FANK1: variants seen among roughly 807,000 people sequenced by gnomAD.
The protein encoded by FANK1 is fibronectin type III and ankyrin repeat domains 1, also known as fibronectin type 3 and ankyrin repeat domains protein 1.
In FANK1, 44 loss-of-function variants were observed where a neutral mutation model predicts 45.3. That is an observed-to-expected ratio of 0.97 (90% CI 0.76 to 1.25). FANK1 has a LOEUF of 1.25. Among genes scored for constraint, FANK1 ranks in the 50% most tolerant of loss-of-function variants. FANK1 has a pLI of 0.00. For synonymous variants in FANK1, 149 were observed against 152.5 expected (o/e 0.98, Z 0.17); for missense variants, 391 against 424.4 (o/e 0.92, Z 0.69).
intron 8 of FANK1, 55 bp from the exon 9 acceptor site, chr10:126,008,999 G>C (rs780961790): frequency 4.5e-6 from 7 of 1,558,756 alleles, no homozygotes; most frequent in Non-Finnish European, 6.2e-6. Context: ...GCCCCCTGCT[G>C]TGTGTGCCCT....
In FANK1 at chr10:126,009,485, G is replaced by GT. The variant is rs1564982285; in HGVS notation, c.*48dup. On this transcript the variant is annotated 3_prime_UTR_variant, in exon 11 of 11. Coordinates refer to ENST00000368693, the MANE Select transcript of FANK1 (RefSeq NM_145235.5). ...AAACGCACGTAAAACAAAGTGAACCGTGACTGTTAAACTAGGGATGGGAAA... is the reference window on the plus strand; with the variant it reads ...AAACGCACGTAAAACAAAGTGAACCGTTGACTGTTAAACTAGGGATGGGAAA... 6.3e-7 allele frequency: 1 copy of GT among 1,595,270 alleles called. No individual in the cohort carries two copies. The highest frequency in any genetic ancestry group is 1.3e-5 in the African/African-American group (1 of 74,166).
rs1351211995 is a variant in FANK1 at position 125,980,271 on chromosome 10, G to C, written c.124G>C (p.Glu42Gln). 1 of 1,614,146 alleles carries C rather than the reference G, an allele frequency of 6.2e-7. No individual in the cohort carries two copies. The highest frequency in any genetic ancestry group is 8.5e-7 in the Non-Finnish European group (1 of 1,180,034). ...EKKAKRQGPQ[E>Q]QWFRFSIEEE... is the part of the protein sequence containing the mutation. ...GAAAGCCAAACGCCAAGGACCTCAA[G>C]AGCAGTGGTTCAGGTTCTCGATTGA... Residue 42 changes from glutamate (E) to glutamine (Q), a missense_variant, in exon 2 of 11, where the codon GAG becomes CAG. Glu to Gln is a conservative substitution (Grantham distance 29). Coordinates refer to ENST00000368693, the MANE Select transcript of FANK1 (RefSeq NM_145235.5).
At chr10:125,952,179 T>A (rs1949279938) in intron 1 of FANK1, among the ~76,000 whole-genome samples, 1 of 152,180 alleles carries the variant, frequency 6.6e-6, no homozygotes. Flanking sequence ...TTCACAAATT[T>A]TATTTCATGT....
chr10:125,961,500 T>C (rs1949926831), intron 1 of FANK1, among the ~76,000 whole-genome samples: 1 of 152,114 alleles, frequency 6.6e-6, no homozygotes, highest in South Asian at 2.1e-4. Context: ...TAGATATCCA[T>C]AGGCAGAAGA....
intron 3 of FANK1, chr10:125,989,268 A>G (rs950438251): frequency 5.2e-6 from 8 of 1,548,692 alleles, no homozygotes; most frequent in East Asian, 4.9e-5. Flanking sequence ...TAAAGATGCT[A>G]TCTATGTCCA....
intron 1 of FANK1, among the ~76,000 whole-genome samples, chr10:125,976,819 C>T (rs1334528909): frequency 1.3e-5 from 2 of 152,140 alleles, no homozygotes; most frequent in East Asian, 1.9e-4. Flanking sequence ...GACGGGGTTT[C>T]ACCATGTTGG....
chr10:125,959,931 C>T (rs1949814568), intron 1 of FANK1, among the ~76,000 whole-genome samples: 1 of 152,072 alleles, frequency 6.6e-6, no homozygotes, highest in Admixed American at 6.5e-5. Context: ...AGGTTTTTGT[C>T]TTACATATAA....
chr10:125,924,272 A>G (rs1168206998), intron 1 of FANK1, among the ~76,000 whole-genome samples: 7 of 72,190 alleles, frequency 9.7e-5, no homozygotes, highest in Non-Finnish European at 1.4e-4. Flanking sequence ...TTTTTTTGAG[A>G]TGTAGTCTCG....
At chr10:125,973,588 A>T (rs7086509) in intron 1 of FANK1, 1 of 285,842 alleles carries the variant, frequency 3.5e-6, no homozygotes, top group Admixed American at 6.5e-5. Context: ...CAAGAGGCCC[A>T]TAAGGGTAAT....
intron 3 of FANK1, chr10:125,994,367 A>G (rs1952157570): frequency 1.0e-6 from 1 of 984,602 alleles, no homozygotes; most frequent in African/African-American, 1.7e-5. Context: ...CTTGGCATGT[A>G]CATTACTTAG....
intron 6 of FANK1, among the ~76,000 whole-genome samples, chr10:126,003,764 C>T (rs553375901): frequency 1.3e-5 from 2 of 152,136 alleles, no homozygotes; most frequent in East Asian, 1.9e-4. Flanking sequence ...CAACCTCCGC[C>T]TCCTGGGTTC....
In FANK1 at chr10:126,009,244, T is replaced by C; in HGVS notation, c.950T>C (p.Met317Thr). ...CAGTTCGGCAAAGGTGTCCTAGAAA[T>C]GGCCAGAGTTTTTGACAGACAGGTT... is the stretch of plus-strand genomic sequence containing the variant. The part of the protein sequence containing the change: ...KNEFGKGVLE[M>T]ARVFDRQSVV... The change falls in exon 10 of 11, where the codon ATG (methionine) becomes ACG (threonine). Residue 317 changes from methionine (M) to threonine (T), a missense_variant. By Grantham distance (81) the Met-to-Thr change is moderately conservative (BLOSUM62 -1). Coordinates refer to ENST00000368693, the MANE Select transcript of FANK1 (RefSeq NM_145235.5). 2 of 1,614,180 alleles carry C rather than the reference T, an allele frequency of 1.2e-6. No individual in the cohort carries two copies. The highest frequency in any genetic ancestry group is 1.7e-6 in the Non-Finnish European group (2 of 1,180,026).
chr10:125,954,019 G>A (rs1045628025), intron 1 of FANK1, among the ~76,000 whole-genome samples: 4 of 148,092 alleles, frequency 2.7e-5, no homozygotes, highest in Non-Finnish European at 4.5e-5. Flanking sequence ...CACACCGAAC[G>A]AAGGAGGGAA....
intron 2 of FANK1, among the ~76,000 whole-genome samples, chr10:125,985,831 G>T (rs1951519219): frequency 1.3e-5 from 2 of 152,206 alleles, no homozygotes. Context: ...CATCAGCTGG[G>T]ATGGCCAGGA....
At chr10:125,975,403 C>T (rs1950794957) in intron 1 of FANK1, among the ~76,000 whole-genome samples, 1 of 152,198 alleles carries the variant, frequency 6.6e-6, no homozygotes, top group African/African-American at 2.4e-5. Flanking sequence ...CTGGTTTTAG[C>T]TCTTTGTGGA....
intron 1 of FANK1, among the ~76,000 whole-genome samples, chr10:125,977,437 G>A (rs1288966837): frequency 1.3e-5 from 2 of 152,178 alleles, no homozygotes; most frequent in Non-Finnish European, 2.9e-5. Flanking sequence ...CTAGACTCTT[G>A]TTTGGTTGCG....
At position 126,003,108 on chromosome 10, in the gene FANK1, ATTTTT is replaced by A. The variant is rs5788756; in HGVS notation, c.540-1766_540-1762del. ...GGTTCTAGACCAGTCCTCTCTTTAA[ATTTTT>A]TTTTTTTTTCTCATAGCAGTGACTC... On this transcript the variant is annotated intron_variant, in intron 6 of 10. Coordinates refer to ENST00000368693, the MANE Select transcript of FANK1 (RefSeq NM_145235.5). Among the ~76,000 whole-genome samples the A allele has an allele frequency of 2.1e-5, 3 of 144,894 alleles. No homozygotes were observed. In the East Asian group the frequency reaches 6.1e-4, roughly 29 times the overall value.
In FANK1 at chr10:125,983,243, A is replaced by G. The variant is rs900367444; in HGVS notation, c.191+2905A>G. Among the ~76,000 whole-genome samples the G allele has an allele frequency of 1.3e-5, 2 of 151,950 alleles. No homozygotes were observed. Among genetic ancestry groups the G allele is most frequent in the Non-Finnish European group, 2.9e-5 (2 of 68,016 alleles). On this transcript the variant is annotated intron_variant, in intron 2 of 10. Transcript: ENST00000368693. This position sits in a 1 kb window ranked among gnomAD's most constrained non-coding sequence, Gnocchi z 4.3. ...TCTGCCCTGGTCAGATTTTACCTCC[A>G]CTGAGAAGCTCTCCTTACTACCCTA...
intron 1 of FANK1, among the ~76,000 whole-genome samples, chr10:125,902,479 A>ATT (rs1455332969): frequency 6.6e-6 from 1 of 152,178 alleles, no homozygotes; most frequent in Non-Finnish European, 1.5e-5. Context: ...AAAGAAAGCC[A>ATT]TTTTATTCTA....
Sources: allele counts gnomAD v4.1 joint callset (sites outside exome capture counted in the v4.1 genomes callset), GRCh38; gene constraint gnomAD v4.1.1; non-coding constraint Gnocchi (gnomAD v3.1); transcripts MANE v1.5; gene names NCBI Gene and HGNC (gene_info 2026-07-23, HGNC 2026-07-21).